LARP7: variants seen among roughly 807,000 people sequenced by gnomAD.
LARP7 encodes La ribonucleoprotein 7, transcriptional regulator.
Under a neutral mutation model 69.3 loss-of-function variants are expected in LARP7, and 52 were observed. The ratio of observed to expected loss-of-function variants is 0.75; its 90% CI spans 0.60 to 0.95. The LOEUF is 0.95. Ranked by LOEUF, LARP7 falls within the 40% of genes least tolerant of loss-of-function variation. LARP7 has a pLI of 0.00. For missense variants in LARP7, 733 were observed against 673.0 expected (o/e 1.09, Z -0.99); for synonymous variants, 254 against 215.9 (o/e 1.18, Z -1.55).
rs1410716895 is a variant in LARP7 at position 112,645,994 on chromosome 4, AG to A, written c.203-356del. Among the ~76,000 whole-genome samples the A allele has an allele frequency of 4.5e-5, 6 of 134,524 alleles. No individual in the cohort carries two copies. The East Asian group carries it at 1.2e-3, about 26-fold the overall frequency. The allele number at this position is 134,524 out of a possible 152,430, so 88.3% of individuals were successfully genotyped here. On this transcript the variant is annotated intron_variant, in intron 2 of 12. Transcript: ENST00000344442. Reference sequence around the variant, plus strand: ...TGCAATGCCATTTAGACCCTCATACAGTTTTTTTTTGTTTGTTTTGTTTGAG... The same window carrying A: ...TGCAATGCCATTTAGACCCTCATACATTTTTTTTTGTTTGTTTTGTTTGAG...
At position 112,647,388 on chromosome 4, in the gene LARP7, G is replaced by A. The variant is rs62317770; in HGVS notation, c.836G>A (p.Arg279Gln). 0.046 allele frequency: 74,288 copies of A among 1,613,902 alleles called. 2,563 individuals carry two copies. The highest frequency in any genetic ancestry group is 0.18 in the East Asian group (8,156 of 44,870). ...CAGTGCTCAAAGAAAAAGAAAAAACGGGACAGAGTTGAAGCATCTAGCTTA... is the reference window on the plus strand; with the variant it reads ...CAGTGCTCAAAGAAAAAGAAAAAACAGGACAGAGTTGAAGCATCTAGCTTA... The part of the protein sequence containing the change: ...QKQCSKKKKK[R>Q]DRVEASSLPE... The change falls in exon 7 of 13, where the codon CGG (arginine) becomes CAG (glutamine). Residue 279 changes from arginine to glutamine, a missense_variant. Transcript: ENST00000344442.
In LARP7 at chr4:112,637,232, C is replaced by G. The variant is rs989412597; in HGVS notation, c.-10C>G. Reference sequence around the variant, plus strand: ...GTACTTGACCCTGTATTTTGGGAGTCGAACGGAGTAAGTTACAAGCGGCCT... The same window carrying G: ...GTACTTGACCCTGTATTTTGGGAGTGGAACGGAGTAAGTTACAAGCGGCCT... On this transcript the variant is annotated 5_prime_UTR_variant, in exon 1 of 13. Coordinates refer to ENST00000344442, the MANE Select transcript of LARP7 (RefSeq NM_016648.4). 1 of 152,190 alleles carries G rather than the reference C, an allele frequency of 6.6e-6. No homozygotes were observed. 9.4% of individuals were successfully genotyped at this position (152,190 alleles called of 1,614,324 possible).
intron 2 of LARP7, among the ~76,000 whole-genome samples, chr4:112,645,922 A>G (rs1276571039): frequency 1.3e-5 from 2 of 152,060 alleles, no homozygotes; most frequent in Non-Finnish European, 2.9e-5. Flanking sequence ...TCAAATCTTA[A>G]TCTGCAGTTA....
rs2048096991 is a variant in LARP7 at position 112,644,724 on chromosome 4, A to G, written c.55A>G (p.Lys19Glu). Residue 19 changes from lysine to glutamate, a missense_variant, in exon 2 of 13, where the codon AAG becomes GAG. Physicochemically the swap from Lys to Glu is moderately conservative, Grantham distance 56. Transcript: ENST00000344442. Reference protein sequence around the residue: ...EKVMEEESTEKKKEVEKKKRS... With the variant: ...EKVMEEESTEEKKEVEKKKRS... ...GGTAATGGAAGAAGAAAGCACTGAA[A>G]AGAAAAAAGAAGTTGAAAAAAAGAA... 6.2e-7 allele frequency: 1 copy of G among 1,611,260 alleles called. No homozygotes were observed. Among genetic ancestry groups the G allele is most frequent in the Non-Finnish European group, 8.5e-7 (1 of 1,178,216 alleles).
At chr4:112,646,329 T>A (rs528111578) in intron 2 of LARP7, 22 bp from the exon 3 acceptor site, 3 of 1,197,912 alleles carry the variant, frequency 2.5e-6, no homozygotes. Flanking sequence ...CACTAACATA[T>A]TAACTTTTTC....
chr4:112,647,912 AAC>A, intron 8 of LARP7, 78 bp downstream of exon 8: 1 of 1,059,322 alleles, frequency 9.4e-7, no homozygotes, highest in East Asian at 2.4e-5. Context: ...ATTTATATTC[AAC>A]AGAGTTGCAT....
chr4:112,646,253 A>T, intron 2 of LARP7, 98 bp from the exon 3 acceptor site: 1 of 595,256 alleles, frequency 1.7e-6, no homozygotes, highest in Non-Finnish European at 2.9e-6. Context: ...TACAGGCATG[A>T]GCCACCGAGC....
Position 112,653,209 on chromosome 4 carries a change from C to T in LARP7, c.1549C>T (p.His517Tyr), listed in dbSNP as rs1484251782. The change falls in exon 11 of 13, where the codon CAC (histidine) becomes TAC (tyrosine). Residue 517 changes from histidine to tyrosine, a missense_variant. Physicochemically the swap from His to Tyr is moderately conservative, Grantham distance 83. Transcript: ENST00000344442. Reference protein sequence around the residue: ...INAYTEINKKHCWKLEILSGD... With the variant: ...INAYTEINKKYCWKLEILSGD... The stretch of plus-strand genomic sequence containing the variant: ...TGCCTATACAGAAATTAACAAGAAA[C>T]ACTGCTGGAAACTCGAGATCCTTTC... 1 of 1,592,114 alleles carries T rather than the reference C, an allele frequency of 6.3e-7. No individual in the cohort carries two copies. Among genetic ancestry groups the T allele is most frequent in the East Asian group, 2.3e-5 (1 of 44,168 alleles).
In LARP7 at chr4:112,644,795, G is replaced by A. The variant is rs2048100116; in HGVS notation, c.126G>A (p.Val42=). 6.2e-7 allele frequency: 1 copy of A among 1,609,568 alleles called. No individual in the cohort carries two copies. The highest frequency in any genetic ancestry group is 8.5e-7 in the Non-Finnish European group (1 of 1,177,134). The part of the protein sequence containing the change: ...KQVLADIAKQ[V]DFWFGDANLH... ...TGCTTGCAGATATTGCTAAGCAAGTGGACTTCTGGTTTGGGGATGCAAATC... is the reference window on the plus strand; with the variant it reads ...TGCTTGCAGATATTGCTAAGCAAGTAGACTTCTGGTTTGGGGATGCAAATC... The change falls in exon 2 of 13, where the codon GTG becomes GTA. Residue 42 remains valine (V), a synonymous_variant. Coordinates refer to ENST00000344442, the MANE Select transcript of LARP7 (RefSeq NM_016648.4).
intron 12 of LARP7, among the ~76,000 whole-genome samples, chr4:112,655,939 G>C (rs2048936446): frequency 6.6e-6 from 1 of 152,120 alleles, no homozygotes; most frequent in Non-Finnish European, 1.5e-5. Flanking sequence ...TGGAGTACTA[G>C]GAGCATCTTA....
intron 1 of LARP7, among the ~76,000 whole-genome samples, chr4:112,639,930 A>C (rs535569586): frequency 5.8e-4 from 88 of 152,242 alleles, no homozygotes; most frequent in African/African-American, 8.2e-4. Flanking sequence ...TGATAATTAT[A>C]GCCTACGTTT....
chr4:112,646,539 A>G (rs1236677686), intron 3 of LARP7, 49 bp from the exon 4 acceptor site: 2 of 1,278,128 alleles, frequency 1.6e-6, no homozygotes, highest in South Asian at 3.0e-5. Flanking sequence ...ATTATAGCTT[A>G]CAATTATAAA....
intron 1 of LARP7, among the ~76,000 whole-genome samples, chr4:112,639,529 C>T (rs1288181228): frequency 2.0e-5 from 3 of 151,812 alleles, no homozygotes; most frequent in Non-Finnish European, 2.9e-5. Context: ...CGCGCCTGGC[C>T]AAGTGTTACT....
At chr4:112,640,350 A>G (rs2047913593) in intron 1 of LARP7, among the ~76,000 whole-genome samples, 1 of 152,200 alleles carries the variant, frequency 6.6e-6, no homozygotes, top group East Asian at 1.9e-4. Context: ...GGTACTGATG[A>G]AGTTAAAGTT....
chr4:112,647,487 TAAAGA>T lies in LARP7; in HGVS notation c.939_943del (p.Lys313AsnfsTer8). On this transcript the variant is annotated frameshift_variant, in exon 7 of 13. Transcript: ENST00000344442. LOFTEE classifies it high-confidence loss of function. ...GAATCCCTAGCTCCCCGATCAAAAG[TAAAGA>T]AAATTATTCAGAAAGACATCATTAA... is the stretch of plus-strand genomic sequence containing the variant. 2 of 1,613,332 alleles carry T rather than the reference TAAAGA, an allele frequency of 1.2e-6. No individual in the cohort carries two copies. The highest frequency in any genetic ancestry group is 1.7e-6 in the Non-Finnish European group (2 of 1,179,696).
intron 12 of LARP7, chr4:112,655,461 A>C (rs2048917525): frequency 6.6e-6 from 1 of 152,212 alleles, no homozygotes; most frequent in Admixed American, 6.5e-5. Flanking sequence ...TAGCTATGGA[A>C]GTAGCCAGTT....
intron 12 of LARP7, among the ~76,000 whole-genome samples, chr4:112,655,089 G>GT (rs1008614525): frequency 1.3e-5 from 2 of 152,076 alleles, no homozygotes; most frequent in Admixed American, 1.3e-4. Flanking sequence ...TGATTTGTGG[G>GT]GAGGTGTGAA....
Position 112,657,278 on chromosome 4 carries a change from C to A in LARP7, c.1700C>A (p.Ala567Glu). The stretch of plus-strand genomic sequence containing the variant: ...ACCAAAGCTGAAAAGATTAGACTGG[C>A]AAAGACTCAACAAGCGAGTAAACAT... ...LITKAEKIRL[A>E]KTQQASKHIR... The change falls in exon 13 of 13, where the codon GCA becomes GAA. Residue 567 changes from alanine (A) to glutamate (E), a missense_variant. Physicochemically the swap from Ala to Glu is moderately radical, Grantham distance 107. Coordinates refer to ENST00000344442, the MANE Select transcript of LARP7 (RefSeq NM_016648.4). The A allele has an allele frequency of 6.3e-7, 1 of 1,586,228 alleles. No individual in the cohort carries two copies. The highest frequency in any genetic ancestry group is 8.6e-7 in the Non-Finnish European group (1 of 1,166,184).
chr4:112,655,824 C>T (rs192356793), intron 12 of LARP7, among the ~76,000 whole-genome samples: 6 of 152,168 alleles, frequency 3.9e-5, no homozygotes, highest in South Asian at 2.1e-4. Flanking sequence ...AGGAAGTGAG[C>T]GAGTAAGCCC....
Sources: allele counts gnomAD v4.1 joint callset (sites outside exome capture counted in the v4.1 genomes callset), GRCh38; gene constraint gnomAD v4.1.1; transcripts MANE v1.5; gene names NCBI Gene and HGNC (gene_info 2026-07-23, HGNC 2026-07-21).